The following GATM variants were observed in gnomAD, a reference collection of about 807,000 sequenced individuals.
The protein encoded by GATM is glycine amidinotransferase, also known as glycine amidinotransferase, mitochondrial.
In GATM, 23 loss-of-function variants were observed where a neutral mutation model predicts 54.2. The ratio of observed to expected loss-of-function variants is 0.42; its 90% confidence interval spans 0.31 to 0.60. The LOEUF (loss-of-function observed/expected upper bound fraction) is 0.60, where lower values mean the gene tolerates loss of function less well. Ranked by LOEUF, GATM falls within the 20% of genes least tolerant of loss-of-function variation. The pLI, the probability that GATM is intolerant of heterozygous loss-of-function variation, is 0.14. For synonymous variants in GATM, 168 were observed against 183.1 expected, an observed-to-expected ratio of 0.92 and a Z score of 0.67; for missense variants, 401 against 544.9, an observed-to-expected ratio of 0.74 and a Z score of 2.63.
At chr15:45,378,255 C>G (rs1448659911) in intron 1 of GATM, 130 bp downstream of exon 1, 4 of 678,616 alleles carry the variant, frequency 5.9e-6, no homozygotes, top group Non-Finnish European at 9.8e-6. Flanking sequence ...AAGGGACACT[C>G]TCGTGCAATT....
chr15:45,374,703 G>A (rs1397071938), intron 2 of GATM, among the ~76,000 whole-genome samples: 1 of 152,174 alleles, frequency 6.6e-6, no homozygotes, highest in Non-Finnish European at 1.5e-5. Context: ...TCAGTCGACT[G>A]GAATAAGATA....
At chr15:45,365,896 G>A (rs1889440506) in intron 6 of GATM, 150 bp downstream of exon 6, 3 of 734,250 alleles carry the variant, frequency 4.1e-6, no homozygotes, top group Non-Finnish European at 7.2e-6. Flanking sequence ...TAAGCCATAA[G>A]GAATCCAATG....
At position 45,384,559 on chromosome 15, in the gene GATM, G is replaced by C. The variant is rs538156576; in HGVS notation, c.-318-7740C>G. On this transcript the variant is annotated intron_variant, in intron 3 of 4. Coordinates refer to the GATM transcript ENST00000561148. ...CAGGAAGGGGAAATTGCCTTAGAAG[G>C]GTCTGTCCCATTGGGATGGTTCTGG... Among the ~76,000 whole-genome samples, 34 of 152,248 alleles carry C rather than the reference G, an allele frequency of 2.2e-4. No homozygotes were observed. The South Asian group carries it at 6.9e-3, about 31-fold the overall frequency.
intron 2 of GATM, among the ~76,000 whole-genome samples, chr15:45,372,930 A>G (rs1329863392): frequency 1.3e-5 from 2 of 152,232 alleles, no homozygotes; most frequent in African/African-American, 2.4e-5. Flanking sequence ...GATGATGAAC[A>G]CTATATTAGA....
rs1302181268 is a variant in GATM at position 45,366,433 on chromosome 15, G to A, written c.751C>T (p.Pro251Ser). Residue 251 changes from proline (P) to serine (S), a missense_variant, in exon 5 of 9, where the codon CCA (proline) becomes TCA (serine). Transcript: ENST00000396659. ...ATGAAGTCAGCAGCATCAAAGCATG[G>A]CTCAAACTCAGTTGTCACAAATTTT... ...QGKFVTTEFE[P>S]CFDAADFIRA... 2 of 1,613,992 alleles carry A rather than the reference G, an allele frequency of 1.2e-6. No homozygotes were observed. Among genetic ancestry groups the A allele is most frequent in the Non-Finnish European group, 1.7e-6 (2 of 1,180,022 alleles).
chr15:45,376,238 C>T (rs183989945), intron 2 of GATM, among the ~76,000 whole-genome samples: 1 of 152,198 alleles, frequency 6.6e-6, no homozygotes, highest in East Asian at 1.9e-4. Context: ...TACAGAGATC[C>T]GGACCAGAGA....
At position 45,392,582 on chromosome 15, in the gene GATM, TA is replaced by T. The variant is rs1433018719; in HGVS notation, c.-319+4339del. On this transcript the variant is annotated intron_variant, in intron 3 of 4. Transcript: ENST00000561148. ...GCACCCACAACAAGCCATTCATTCC[TA>T]GATAGATTCTGAGAAGTAGGATGCT... Among the ~76,000 whole-genome samples, 3 of 152,254 alleles carry T rather than the reference TA, an allele frequency of 2.0e-5. No homozygotes were observed. The East Asian group carries it at 5.8e-4, about 29-fold the overall frequency.
intron 6 of GATM, 31 bp from the exon 7 acceptor site, chr15:45,364,891 T>C: frequency 6.4e-7 from 1 of 1,574,660 alleles, no homozygotes; most frequent in Non-Finnish European, 8.7e-7. Flanking sequence ...CCCAAAACCG[T>C]TAAATCTACA....
chr15:45,364,998 TTC>T, intron 6 of GATM, 138 bp from the exon 7 acceptor site: 2 of 722,610 alleles, frequency 2.8e-6, no homozygotes, highest in Non-Finnish European at 4.7e-6. Flanking sequence ...AAATTAAAAT[TTC>T]TAAACATTTG....
intron 2 of GATM, among the ~76,000 whole-genome samples, chr15:45,372,979 G>T (rs1889567050): frequency 6.6e-6 from 1 of 152,192 alleles, no homozygotes; most frequent in East Asian, 1.9e-4. Flanking sequence ...TGTTGCAAAG[G>T]TATGTCTGCA....
In GATM at chr15:45,378,460, G is replaced by A; in HGVS notation, c.-7C>T. Reference sequence around the variant, plus strand: ...GACACCGCACCCGCAGCATCGCCCTGGCCCGGCTGGTCCACGCGCGGAATG... The same window carrying A: ...GACACCGCACCCGCAGCATCGCCCTAGCCCGGCTGGTCCACGCGCGGAATG... On this transcript the variant is annotated 5_prime_UTR_variant, in exon 1 of 9. Transcript: ENST00000396659. 2 of 1,446,422 alleles carry A rather than the reference G, an allele frequency of 1.4e-6. No individual in the cohort carries two copies. Among genetic ancestry groups the A allele is most frequent in the Non-Finnish European group, 1.8e-6 (2 of 1,106,208 alleles). The allele number at this position is 1,446,422 out of a possible 1,614,324, so 89.6% of individuals were successfully genotyped here. A position where few individuals can be genotyped will look rare whatever the true frequency, so the allele number is the denominator to read the frequency against.
At chr15:45,397,615 A>T (rs1229155916) in intron 2 of GATM, among the ~76,000 whole-genome samples, 1 of 152,136 alleles carries the variant, frequency 6.6e-6, no homozygotes, top group Non-Finnish European at 1.5e-5. Context: ...TCCTTATTAC[A>T]TCCTTTATTA....
intron 1 of GATM, among the ~76,000 whole-genome samples, chr15:45,401,565 A>C (rs1392359648): frequency 1.8e-5 from 2 of 108,808 alleles, no homozygotes; most frequent in Non-Finnish European, 3.2e-5. Context: ...GGCAGAAAGC[A>C]GCTGGAAAAA....
rs886051203 is a variant in GATM, at chr15:45,378,525, G to C, written c.-72C>G. On this transcript the variant is annotated 5_prime_UTR_variant, in exon 1 of 9. Coordinates refer to ENST00000396659, the MANE Select transcript of GATM (RefSeq NM_001482.3). ...GCCGCGTCGGTCCAAGCCTTCCCGA[G>C]AGCGCGCCCGGAGCGGGGTGGGCGG... 1 of 1,238,872 alleles carries C rather than the reference G, an allele frequency of 8.1e-7. No homozygotes were observed. The highest frequency in any genetic ancestry group is 1.0e-6 in the Non-Finnish European group (1 of 968,140). 76.7% of individuals were successfully genotyped at this position (1,238,872 alleles called of 1,614,324 possible).
intron 5 of GATM, 31 bp downstream of exon 5, chr15:45,366,340 G>A: frequency 6.2e-7 from 1 of 1,613,290 alleles, no homozygotes; most frequent in Non-Finnish European, 8.5e-7. Context: ...CAATAATATA[G>A]TGTGAAATTT....
chr15:45,378,599 C>T (rs1280011858), upstream of GATM: 32 of 558,208 alleles, frequency 5.7e-5, 1 homozygote, highest in Middle Eastern at 1.0e-3. Context: ...CCCGGCCGCC[C>T]CCCGCGGCCC....
At chr15:45,367,354 A>G (rs1426695739) in intron 4 of GATM, among the ~76,000 whole-genome samples, 1 of 136,842 alleles carries the variant, frequency 7.3e-6, no homozygotes, top group Non-Finnish European at 1.5e-5. Flanking sequence ...AAAAAAAAAA[A>G]AGTGATACAG....
chr15:45,401,426 T>C (rs1270379686), intron 1 of GATM, among the ~76,000 whole-genome samples: 2 of 152,168 alleles, frequency 1.3e-5, no homozygotes, highest in South Asian at 2.1e-4. Flanking sequence ...GGTAGGAAGA[T>C]GTAAGTCAAA....
intron 3 of GATM, 60 bp downstream of exon 3, chr15:45,369,266 A>G: frequency 1.4e-6 from 2 of 1,473,006 alleles, no homozygotes; most frequent in Admixed American, 1.7e-5. Context: ...TTCCCCTTAC[A>G]CATTAAGAAA....
Sources: gnomAD v4.1 joint callset for allele counts (sites outside exome capture counted in the v4.1 genomes callset) on GRCh38, gnomAD v4.1.1 for gene constraint, MANE v1.5 for transcripts, NCBI Gene and HGNC (gene_info 2026-07-23, HGNC 2026-07-21) for gene names.